Variants in MRPS25 observed in about 807,000 individuals in gnomAD.
MRPS25 encodes mitochondrial ribosomal protein S25, also known as small ribosomal subunit protein mS25.
Under a neutral mutation model 17.3 loss-of-function variants are expected in MRPS25, and 15 were observed. The observed-to-expected ratio is 0.87, with a 90% CI of 0.58 to 1.34. MRPS25 has a LOEUF of 1.34. Ranked by LOEUF, MRPS25 falls within the 40% of genes most tolerant of loss-of-function variation. The pLI, the probability that MRPS25 is intolerant of heterozygous loss-of-function variation, is 0.00. For synonymous variants in MRPS25, 94 were observed against 83.3 expected (o/e 1.13, Z -0.70); for missense variants, 225 against 218.6 (o/e 1.03, Z -0.19).
rs532509970 is a variant in MRPS25, at chr3:15,059,055, G to A, written c.241+314C>T. ...TTTTTTTTCAGTTAAATAAGCAAAC[G>A]CAGGTAGAAATGGGATTCCAGGCCA... On this transcript the variant is annotated intron_variant, in intron 2 of 3. Coordinates refer to ENST00000253686, the MANE Select transcript of MRPS25 (RefSeq NM_022497.5). 4.7e-5 allele frequency among the ~76,000 whole-genome samples: 7 copies of A among 149,156 alleles called. 1 individual carries two copies. The South Asian group carries it at 1.5e-3, about 32-fold the overall frequency.
At position 15,050,808 on chromosome 3, in the gene MRPS25, C is replaced by G; in HGVS notation, c.*1633G>C. 4 of 985,260 alleles carry G rather than the reference C, an allele frequency of 4.1e-6. No homozygotes were observed. The highest frequency in any genetic ancestry group is 4.8e-6 in the Non-Finnish European group (4 of 829,788). The allele number at this position is 985,260 out of a possible 1,614,324, so 61.0% of individuals were successfully genotyped here. ...ACAAGCCATCACCCCAAACCCAGAT[C>G]TGGTACAGAATCAAACTTGAGCATC... On this transcript the variant is annotated 3_prime_UTR_variant, in exon 4 of 4. Transcript: ENST00000253686.
rs2042586745 is a variant in MRPS25, at chr3:15,050,421, TC to T, written c.*2019del. ...AGGACATTCCTGCTGGTTAGCAGCC[TC>T]TTTGGGCCCTAGAGGGAAGGAATAC... On this transcript the variant is annotated 3_prime_UTR_variant, in exon 4 of 4. Transcript: ENST00000253686. 16 of 1,002,386 alleles carry T rather than the reference TC, an allele frequency of 1.6e-5. No individual in the cohort carries two copies. The highest frequency in any genetic ancestry group is 1.9e-5 in the Non-Finnish European group (16 of 842,384). 62.1% of individuals were successfully genotyped at this position (1,002,386 alleles called of 1,614,324 possible). A position where few individuals can be genotyped will look rare whatever the true frequency, so the allele number is the denominator to read the frequency against.
chr3:15,047,358 G>C (rs1039390019), downstream of MRPS25: 1 of 152,162 alleles, frequency 6.6e-6, no homozygotes, highest in African/African-American at 2.4e-5. Context: ...TGACATTTCC[G>C]TATATTCTCT....
downstream of MRPS25, chr3:15,044,140 C>CAGG (rs1406613627): frequency 2.6e-5 from 4 of 152,254 alleles, no homozygotes; most frequent in Admixed American, 2.0e-4. Context: ...TGGGGCTGGG[C>CAGG]AGGAGCCTGC....
chr3:15,049,940 A>G lies in MRPS25; in HGVS notation c.*2501T>C. The G allele has an allele frequency of 6.5e-7, 1 of 1,530,412 alleles. No homozygotes were observed. Among genetic ancestry groups the G allele is most frequent in the Non-Finnish European group, 8.7e-7 (1 of 1,145,426 alleles). 94.8% of individuals were successfully genotyped at this position (1,530,412 alleles called of 1,614,324 possible). A position where few individuals can be genotyped will look rare whatever the true frequency, so the allele number is the denominator to read the frequency against. ...GATGGTGCTGCCAGGTAGTGCCTCAAAGAGAAGAAAAGTGGTCACTTCAGA... is the reference window on the plus strand; with the variant it reads ...GATGGTGCTGCCAGGTAGTGCCTCAGAGAGAAGAAAAGTGGTCACTTCAGA... On this transcript the variant is annotated 3_prime_UTR_variant, in exon 4 of 4. Transcript: ENST00000253686.
downstream of MRPS25, chr3:15,046,021 A>C (rs538343858): frequency 6.6e-6 from 1 of 152,362 alleles, no homozygotes; most frequent in Non-Finnish European, 1.5e-5. Context: ...ACAGGACAGG[A>C]AGAGATTTTT....
rs2042595958 is a variant in MRPS25, at chr3:15,050,980, T to C, written c.*1461A>G. 2.4e-5 allele frequency: 24 copies of C among 985,036 alleles called. No homozygotes were observed. The South Asian group carries it at 9.4e-4, about 39-fold the overall frequency. 61.0% of individuals were successfully genotyped at this position (985,036 alleles called of 1,614,324 possible). A position where few individuals can be genotyped will look rare whatever the true frequency, so the allele number is the denominator to read the frequency against. ...TTCCCCATTTTACAGACAAAACCAG[T>C]TACAGACCTGGAAAGCTTTTAGGAC... On this transcript the variant is annotated 3_prime_UTR_variant, in exon 4 of 4. Transcript: ENST00000253686.
At chr3:15,064,051 T>G (rs1472547009) in intron 1 of MRPS25, among the ~76,000 whole-genome samples, 1 of 152,180 alleles carries the variant, frequency 6.6e-6, no homozygotes, top group Middle Eastern at 3.2e-3. Flanking sequence ...CCGGATCTCT[T>G]GAAGGGCCAT....
intron 1 of MRPS25, among the ~76,000 whole-genome samples, 199 bp downstream of exon 1, chr3:15,064,862 T>C (rs1218799771): frequency 2.0e-5 from 3 of 152,160 alleles, no homozygotes; most frequent in Admixed American, 1.3e-4. Context: ...CCAAACCTCG[T>C]CACGACTGCA....
At chr3:15,054,541 CA>C (rs544547976) in intron 2 of MRPS25, among the ~76,000 whole-genome samples, 2 of 148,244 alleles carry the variant, frequency 1.3e-5, no homozygotes, top group African/African-American at 2.5e-5. Flanking sequence ...GACTCAACCT[CA>C]AAAAAAAAAT....
chr3:15,050,153 G>T lies in MRPS25; in HGVS notation c.*2288C>A. 1 of 1,322,448 alleles carries T rather than the reference G, an allele frequency of 7.6e-7. No homozygotes were observed. The highest frequency in any genetic ancestry group is 9.6e-7 in the Non-Finnish European group (1 of 1,044,776). 81.9% of individuals were successfully genotyped at this position (1,322,448 alleles called of 1,614,324 possible). A position where few individuals can be genotyped will look rare whatever the true frequency, so the allele number is the denominator to read the frequency against. On this transcript the variant is annotated 3_prime_UTR_variant, in exon 4 of 4. Transcript: ENST00000253686. ...ACTATCCAGGATCAAGTAGCCTACA[G>T]GGAACAAAAAAAGAAAATAATGTTT... is the stretch of plus-strand genomic sequence containing the variant.
In MRPS25 at chr3:15,065,251, A is replaced by G. The variant is rs2125140944; in HGVS notation, c.-57T>C. Reference sequence around the variant, plus strand: ...GCCGCGAGCCGAGCAGCGACGAGAAAGGACTAGCTAGCACCCGCGCGGATC... The same window carrying G: ...GCCGCGAGCCGAGCAGCGACGAGAAGGGACTAGCTAGCACCCGCGCGGATC... On this transcript the variant is annotated 5_prime_UTR_variant, in exon 1 of 4. Transcript: ENST00000253686. The G allele has an allele frequency of 6.6e-7, 1 of 1,515,950 alleles. No individual in the cohort carries two copies. The highest frequency in any genetic ancestry group is 2.5e-5 in the East Asian group (1 of 40,324). The allele number at this position is 1,515,950 out of a possible 1,614,324, so 93.9% of individuals were successfully genotyped here. A position where few individuals can be genotyped will look rare whatever the true frequency, so the allele number is the denominator to read the frequency against.
chr3:15,042,724 T>G (rs2042312800), downstream of MRPS25: 2 of 873,084 alleles, frequency 2.3e-6, no homozygotes, highest in Non-Finnish European at 3.6e-6. Context: ...GGATGGTGGA[T>G]CCGTTTGGTT....
chr3:15,051,882 C>G lies in MRPS25; in HGVS notation c.*559G>C, dbSNP rs533350116. On this transcript the variant is annotated 3_prime_UTR_variant, in exon 4 of 4. Transcript: ENST00000253686. ...CTCCATCTCTGGCCCATGGCTAGGC[C>G]CCCCAGCAGGCAAGGGTAATCAACT... is the stretch of plus-strand genomic sequence containing the variant. The G allele has an allele frequency of 2.3e-4, 226 of 985,548 alleles. 3 individuals are homozygous for G. The South Asian group carries it at 8.9e-3, about 39-fold the overall frequency. 61.1% of individuals were successfully genotyped at this position (985,548 alleles called of 1,614,324 possible).
Position 15,051,584 on chromosome 3 carries a change from C to G in MRPS25, c.*857G>C. ...CTAAAGTGACAGTAACATCAGTGTC[C>G]TATGAGGAAAGAACAAGGAAGGTGC... On this transcript the variant is annotated 3_prime_UTR_variant, in exon 4 of 4. Coordinates refer to ENST00000253686, the MANE Select transcript of MRPS25 (RefSeq NM_022497.5). 1.0e-6 allele frequency: 1 copy of G among 985,416 alleles called. No homozygotes were observed. The highest frequency in any genetic ancestry group is 1.2e-6 in the Non-Finnish European group (1 of 829,910). The allele number at this position is 985,416 out of a possible 1,614,324, so 61.0% of individuals were successfully genotyped here.
chr3:15,043,053 C>A, downstream of MRPS25: 3 of 1,556,886 alleles, frequency 1.9e-6, no homozygotes, highest in South Asian at 3.6e-5. Context: ...CCTTCCAGGA[C>A]CGTTCACATA....
In MRPS25 at chr3:15,051,168, T is replaced by C. The variant is rs2042599426; in HGVS notation, c.*1273A>G. The C allele has an allele frequency of 1.0e-6, 1 of 985,148 alleles. No individual in the cohort carries two copies. Among genetic ancestry groups the C allele is most frequent in the Non-Finnish European group, 1.2e-6 (1 of 829,808 alleles). The allele number at this position is 985,148 out of a possible 1,614,324, so 61.0% of individuals were successfully genotyped here. A position where few individuals can be genotyped will look rare whatever the true frequency, so the allele number is the denominator to read the frequency against. On this transcript the variant is annotated 3_prime_UTR_variant, in exon 4 of 4. Transcript: ENST00000253686. Reference sequence around the variant, plus strand: ...GTCCGTGGTCCAACTGGTCCTTCACTTTATAATTAAACTTATTTAAAAAAT... The same window carrying C: ...GTCCGTGGTCCAACTGGTCCTTCACCTTATAATTAAACTTATTTAAAAAAT...
Position 15,051,404 on chromosome 3 carries a change from G to C in MRPS25, c.*1037C>G, listed in dbSNP as rs372456073. ...TTGCCATGTTGCCCAGGCTGGTCTCGAACTCCTGGGCTCAACTATCCGCCC... is the reference window on the plus strand; with the variant it reads ...TTGCCATGTTGCCCAGGCTGGTCTCCAACTCCTGGGCTCAACTATCCGCCC... On this transcript the variant is annotated 3_prime_UTR_variant, in exon 4 of 4. Coordinates refer to ENST00000253686, the MANE Select transcript of MRPS25 (RefSeq NM_022497.5). 13 of 766,930 alleles carry C rather than the reference G, an allele frequency of 1.7e-5. 1 individual carries two copies. Among genetic ancestry groups the C allele is most frequent in the Middle Eastern group, 6.7e-4 (1 of 1,494 alleles). The allele number at this position is 766,930 out of a possible 1,614,324, so 47.5% of individuals were successfully genotyped here.
intron 1 of MRPS25, among the ~76,000 whole-genome samples, chr3:15,063,626 A>T (rs1024081473): frequency 1.3e-5 from 2 of 152,228 alleles, no homozygotes; most frequent in Admixed American, 6.5e-5. Context: ...TACCTAGAGG[A>T]CATTAAAATA....
Sources: gnomAD v4.1 joint callset for allele counts (sites outside exome capture counted in the v4.1 genomes callset) on GRCh38, gnomAD v4.1.1 for gene constraint, MANE v1.5 for transcripts, NCBI Gene and HGNC (gene_info 2026-07-23, HGNC 2026-07-21) for gene names.